ZHX3: variants seen among roughly 807,000 people sequenced by gnomAD.
The protein encoded by ZHX3 is zinc fingers and homeoboxes protein 3.
ZHX3 carries 20 observed loss-of-function variants against 64.5 expected under a neutral mutation model. The ratio of observed to expected loss-of-function variants is 0.31; its 90% confidence interval spans 0.22 to 0.45. ZHX3 has a LOEUF of 0.45. ZHX3 is among the 20% of genes least tolerant of loss of function. The probability of loss-of-function intolerance (pLI) is 1.00; values close to 1 mark genes in which losing one functional copy is unlikely to be tolerated. For missense variants in ZHX3, 1,041 were observed against 1,195.8 expected (o/e 0.87, Z 1.91); for synonymous variants, 423 against 461.6 (o/e 0.92, Z 1.07).
intron 1 of ZHX3, among the ~76,000 whole-genome samples, chr20:41,275,060 A>T (rs1012413023): frequency 2.6e-5 from 4 of 152,134 alleles, no homozygotes; most frequent in African/African-American, 7.2e-5. Context: ...TGGGAGGCTG[A>T]GGCAGGAGAA....
chr20:41,278,071 T>A lies in ZHX3; in HGVS notation c.-244-8988A>T, dbSNP rs1356256427. ...GATTATAGCTAGGGGAGGCTGGGTG[T>A]GGTGGCTCACGCCTGGGATTGTACA... On this transcript the variant is annotated intron_variant, in intron 1 of 3. Transcript: ENST00000683867. 2.2e-5 allele frequency among the ~76,000 whole-genome samples: 3 copies of A among 136,460 alleles called. 1 individual carries two copies. Among genetic ancestry groups the A allele is most frequent in the African/African-American group, 5.5e-5 (2 of 36,324 alleles). The allele number at this position is 136,460 out of a possible 152,430, so 89.5% of individuals were successfully genotyped here.
chr20:41,252,657 C>T (rs1452653038), intron 2 of ZHX3, among the ~76,000 whole-genome samples: 1 of 152,138 alleles, frequency 6.6e-6, no homozygotes, highest in Non-Finnish European at 1.5e-5. Flanking sequence ...CCTTTTCTGG[C>T]ATTTTAAGTA....
At chr20:41,271,612 G>A (rs2043152602) in intron 1 of ZHX3, among the ~76,000 whole-genome samples, 1 of 152,048 alleles carries the variant, frequency 6.6e-6, no homozygotes, top group Non-Finnish European at 1.5e-5. Flanking sequence ...TCCAAAAACA[G>A]CACTGACTGT....
At chr20:41,222,587 A>G (rs2040016179) in intron 2 of ZHX3, among the ~76,000 whole-genome samples, 2 of 152,094 alleles carry the variant, frequency 1.3e-5, no homozygotes, top group Non-Finnish European at 1.5e-5. Flanking sequence ...GGTTGGGGGG[A>G]GGCTGGGACC....
In ZHX3 at chr20:41,228,199, C is replaced by T. The variant is rs2040387915; in HGVS notation, c.-150-23133G>A. Reference sequence around the variant, plus strand: ...CTACCCAAGAGATTTCCAAATCACCCTTGCCAGCCCTGACCTATCTACCAA... The same window carrying T: ...CTACCCAAGAGATTTCCAAATCACCTTTGCCAGCCCTGACCTATCTACCAA... On this transcript the variant is annotated intron_variant, in intron 2 of 3. Transcript: ENST00000683867. This position sits in a 1 kb window ranked among gnomAD's most constrained non-coding sequence, Gnocchi z 4.6. 6.6e-6 allele frequency among the ~76,000 whole-genome samples: 1 copy of T among 152,144 alleles called. No individual in the cohort carries two copies.
chr20:41,185,496 C>G lies in ZHX3; in HGVS notation c.2861-295G>C, dbSNP rs939682787. ...TGGCCTCTCCAGGCCCACTAAATCCCCCTAGCTCCCCAGGCTTCCGCCACC... is the reference window on the plus strand; with the variant it reads ...TGGCCTCTCCAGGCCCACTAAATCCGCCTAGCTCCCCAGGCTTCCGCCACC... On this transcript the variant is annotated intron_variant, in intron 3 of 3. Coordinates refer to ENST00000683867, the MANE Select transcript of ZHX3 (RefSeq NM_001384317.1). This position sits in a 1 kb window ranked among gnomAD's most constrained non-coding sequence, Gnocchi z 5.0. 1 of 528,334 alleles carries G rather than the reference C, an allele frequency of 1.9e-6. No individual in the cohort carries two copies. Among genetic ancestry groups the G allele is most frequent in the African/African-American group, 1.9e-5 (1 of 52,722 alleles). 32.7% of individuals were successfully genotyped at this position (528,334 alleles called of 1,614,324 possible).
chr20:41,277,416 A>G (rs2043437038), intron 1 of ZHX3, among the ~76,000 whole-genome samples: 1 of 152,216 alleles, frequency 6.6e-6, no homozygotes, highest in African/African-American at 2.4e-5. Context: ...CGTGGCTAAT[A>G]TTTTGAGAAA....
chr20:41,205,956 G>C (rs2038676117), intron 2 of ZHX3, among the ~76,000 whole-genome samples: 2 of 152,178 alleles, frequency 1.3e-5, no homozygotes, highest in Non-Finnish European at 2.9e-5. Flanking sequence ...GCTTCCAGAG[G>C]GAGGATCAGA....
intron 1 of ZHX3, among the ~76,000 whole-genome samples, chr20:41,270,338 T>C (rs1437551413): frequency 2.4e-5 from 3 of 123,982 alleles, no homozygotes; most frequent in African/African-American, 9.6e-5. Context: ...ATCGCACCAC[T>C]GCACTCCAGC....
In ZHX3 at chr20:41,296,129, T is replaced by C. The variant is rs28699344; in HGVS notation, c.-245+21380A>G. On this transcript the variant is annotated intron_variant, in intron 1 of 3. Transcript: ENST00000683867. Reference sequence around the variant, plus strand: ...TTGGGTAAAAGCAAAACTAAATTTCTGGAGTCTATTTTGCTTTTCACCTTA... The same window carrying C: ...TTGGGTAAAAGCAAAACTAAATTTCCGGAGTCTATTTTGCTTTTCACCTTA... Among the ~76,000 whole-genome samples the C allele has an allele frequency of 4.6e-3, 699 of 150,972 alleles. 6 individuals are homozygous for C. Among genetic ancestry groups the C allele is most frequent in the African/African-American group, 0.016 (637 of 41,096 alleles).
chr20:41,229,189 C>T (rs1383010910), intron 2 of ZHX3, among the ~76,000 whole-genome samples: 1 of 152,170 alleles, frequency 6.6e-6, no homozygotes, highest in Admixed American at 6.5e-5. Context: ...TATAACTGAT[C>T]AATTTAACTT....
chr20:41,209,844 T>G (rs1482974153), intron 2 of ZHX3, among the ~76,000 whole-genome samples: 1 of 152,070 alleles, frequency 6.6e-6, no homozygotes, highest in Non-Finnish European at 1.5e-5. Context: ...AATTGACAAA[T>G]GGGATCTAAT....
chr20:41,279,936 T>C (rs1280017949), intron 1 of ZHX3, among the ~76,000 whole-genome samples: 1 of 152,102 alleles, frequency 6.6e-6, no homozygotes, highest in Non-Finnish European at 1.5e-5. Context: ...AGGAGAATAA[T>C]TAGAGGCCTA....
intron 1 of ZHX3, among the ~76,000 whole-genome samples, chr20:41,307,383 G>C (rs1016311782): frequency 3.3e-5 from 5 of 152,116 alleles, no homozygotes; most frequent in African/African-American, 1.2e-4. Context: ...ACATCATTTA[G>C]AGCTCTATTT....
chr20:41,284,630 C>G (rs1365354929), intron 1 of ZHX3, among the ~76,000 whole-genome samples: 1 of 152,184 alleles, frequency 6.6e-6, no homozygotes, highest in African/African-American at 2.4e-5. Context: ...AGACCCCAGC[C>G]TTGAAGCTCT....
chr20:41,271,687 G>A (rs2043157627), intron 1 of ZHX3, among the ~76,000 whole-genome samples: 1 of 152,062 alleles, frequency 6.6e-6, no homozygotes, highest in South Asian at 2.1e-4. Flanking sequence ...AACACTTCTA[G>A]CTTTCTGAGT....
intron 2 of ZHX3, among the ~76,000 whole-genome samples, chr20:41,243,270 C>T (rs2041497096): frequency 6.6e-6 from 1 of 152,220 alleles, no homozygotes; most frequent in Non-Finnish European, 1.5e-5. Flanking sequence ...ATCAGTAGGG[C>T]TTCTCTTCAT....
At chr20:41,229,952 C>A (rs919565938) in intron 2 of ZHX3, among the ~76,000 whole-genome samples, 2 of 152,070 alleles carry the variant, frequency 1.3e-5, no homozygotes, top group African/African-American at 4.8e-5. Context: ...AGGTAAGGAT[C>A]CAACTCTATT....
At chr20:41,299,304 G>A (rs767783846) in intron 1 of ZHX3, among the ~76,000 whole-genome samples, 1 of 151,978 alleles carries the variant, frequency 6.6e-6, no homozygotes, top group Admixed American at 6.5e-5. Context: ...TATCAAAAAA[G>A]GCACAAGGAT....
Sources: gnomAD v4.1 joint callset for allele counts (sites outside exome capture counted in the v4.1 genomes callset) on GRCh38, gnomAD v4.1.1 for gene constraint, Gnocchi (gnomAD v3.1) non-coding constraint, MANE v1.5 for transcripts, NCBI Gene and HGNC (gene_info 2026-07-23, HGNC 2026-07-21) for gene names.